The following MACROD1 variants were observed in gnomAD, a reference collection of about 807,000 sequenced individuals.
MACROD1 encodes mono-ADP ribosylhydrolase 1, also known as ADP-ribose glycohydrolase MACROD1.
A neutral mutation model predicts 41.4 loss-of-function variants in MACROD1; 31 were observed. The ratio of observed to expected loss-of-function variants is 0.75; its 90% CI spans 0.56 to 1.01. The LOEUF (loss-of-function observed/expected upper bound fraction) is 1.01. Ranked by LOEUF, MACROD1 falls within the 50% of genes least tolerant of loss-of-function variation. MACROD1 has a pLI of 0.00. For missense variants in MACROD1, 473 were observed against 460.0 expected (o/e 1.03, Z -0.26); for synonymous variants, 252 against 203.4 (o/e 1.24, Z -2.03).
intron 3 of MACROD1, among the ~76,000 whole-genome samples, chr11:64,043,385 C>G (rs773970948): frequency 1.3e-5 from 2 of 152,176 alleles, no homozygotes; most frequent in Non-Finnish European, 2.9e-5. Flanking sequence ...TGCTGAGCCC[C>G]GAGGTCTGGG....
chr11:64,141,500 G>C (rs1214279287), intron 3 of MACROD1, among the ~76,000 whole-genome samples: 1 of 152,204 alleles, frequency 6.6e-6, no homozygotes, highest in African/African-American at 2.4e-5. Context: ...CGGCCTCCTG[G>C]GGAGCCCTGA....
intron 3 of MACROD1, among the ~76,000 whole-genome samples, chr11:64,075,962 C>T (rs969806333): frequency 6.6e-6 from 1 of 152,258 alleles, no homozygotes; most frequent in Non-Finnish European, 1.5e-5. Context: ...GCGTGGGCCA[C>T]TGTGCCCGGC....
At chr11:64,050,546 G>T (rs941709973) in intron 3 of MACROD1, among the ~76,000 whole-genome samples, 2 of 152,330 alleles carry the variant, frequency 1.3e-5, no homozygotes, top group African/African-American at 4.8e-5. Flanking sequence ...GTCACCTGGT[G>T]AGGACAGCCC....
At chr11:64,054,714 A>T (rs1170762471) in intron 3 of MACROD1, among the ~76,000 whole-genome samples, 1 of 152,058 alleles carries the variant, frequency 6.6e-6, no homozygotes, top group Non-Finnish European at 1.5e-5. Context: ...TCTTGCTCCC[A>T]AATCAACAAA....
intron 3 of MACROD1, among the ~76,000 whole-genome samples, chr11:64,097,138 G>A (rs1436455596): frequency 4.6e-5 from 7 of 152,202 alleles, no homozygotes; most frequent in Non-Finnish European, 1.0e-4. Flanking sequence ...CTGTGAGGAC[G>A]GCAGCTTCAG....
In MACROD1 at chr11:64,027,322, C is replaced by T. The variant is rs1208745606; in HGVS notation, c.518-12041G>A. 3.9e-5 allele frequency among the ~76,000 whole-genome samples: 6 copies of T among 152,208 alleles called. 1 individual carries two copies. The South Asian group carries it at 1.2e-3, about 32-fold the overall frequency. On this transcript the variant is annotated intron_variant, in intron 3 of 10. Coordinates refer to ENST00000255681, the MANE Select transcript of MACROD1 (RefSeq NM_014067.4). The stretch of plus-strand genomic sequence containing the variant: ...GGTTGGTCTTGCCCTTTAGAAAGAC[C>T]CCCTTTAGAGCTGGGGAAGGGAGCA...
chr11:64,014,615 G>C (rs61884697), intron 4 of MACROD1, among the ~76,000 whole-genome samples: 5,000 of 152,284 alleles, frequency 0.033, 96 homozygotes, highest in Middle Eastern at 0.048. Flanking sequence ...CTGAGGGGCT[G>C]GTGTGGTCTG....
chr11:64,106,072 T>C (rs1455833920), intron 3 of MACROD1, among the ~76,000 whole-genome samples: 1 of 152,040 alleles, frequency 6.6e-6, no homozygotes, highest in African/African-American at 2.4e-5. Flanking sequence ...CCAGCATCCA[T>C]ATCAGTGGGG....
In MACROD1 at chr11:64,079,240, A is replaced by G. The variant is rs182765417; in HGVS notation, c.518-63959T>C. On this transcript the variant is annotated intron_variant, in intron 3 of 10. Transcript: ENST00000255681. ...CCCCACGGCCCCTTCCTGCTCTGGC[A>G]TGTGGCTTGAGGGGTCACAGGGGCT... 1.5e-4 allele frequency among the ~76,000 whole-genome samples: 23 copies of G among 152,010 alleles called. 1 individual carries two copies. The highest frequency in any genetic ancestry group is 5.5e-4 in the African/African-American group (23 of 41,446).
chr11:64,151,855 G>A (rs949708738), intron 2 of MACROD1, among the ~76,000 whole-genome samples: 1 of 152,200 alleles, frequency 6.6e-6, no homozygotes, highest in African/African-American at 2.4e-5. Flanking sequence ...ATGGCCAGGC[G>A]CAGTTGCTGA....
intron 3 of MACROD1, among the ~76,000 whole-genome samples, chr11:64,114,956 A>G (rs1380109983): frequency 6.6e-6 from 1 of 152,208 alleles, no homozygotes; most frequent in Non-Finnish European, 1.5e-5. Context: ...GAGAAGACAG[A>G]AAGTTTGGCC....
chr11:64,006,277 G>T (rs956913873), intron 4 of MACROD1, among the ~76,000 whole-genome samples: 12 of 152,316 alleles, frequency 7.9e-5, no homozygotes, highest in African/African-American at 2.6e-4. Flanking sequence ...AGACCTGAGC[G>T]ATATCCCATT....
Position 64,099,633 on chromosome 11 carries a change from T to C in MACROD1, c.517+51606A>G, listed in dbSNP as rs114113587. Among the ~76,000 whole-genome samples the C allele has an allele frequency of 7.9e-3, 1,179 of 150,114 alleles. 17 individuals carry two copies. Among genetic ancestry groups the C allele is most frequent in the African/African-American group, 0.028 (1,129 of 40,670 alleles). The stretch of plus-strand genomic sequence containing the variant: ...ATACAGAGATGGAAGGATGGATGGA[T>C]GGAGAGATAGGAGGATGGATGGAGA... On this transcript the variant is annotated intron_variant, in intron 3 of 10. Transcript: ENST00000255681.
intron 3 of MACROD1, among the ~76,000 whole-genome samples, chr11:64,029,550 C>A (rs574801465): frequency 2.2e-4 from 34 of 152,220 alleles, no homozygotes; most frequent in Non-Finnish European, 3.8e-4. Flanking sequence ...CCCGGGGGTC[C>A]AGCCCCCATT....
intron 3 of MACROD1, among the ~76,000 whole-genome samples, chr11:64,110,860 G>A (rs111871678): frequency 1.3e-5 from 2 of 152,168 alleles, no homozygotes; most frequent in African/African-American, 2.4e-5. Flanking sequence ...CAGGCAATTA[G>A]AGATTCCTCT....
chr11:64,077,732 C>T, intron 3 of MACROD1, among the ~76,000 whole-genome samples: 1 of 152,356 alleles, frequency 6.6e-6, no homozygotes, highest in South Asian at 2.1e-4. Context: ...GGGGTCACTA[C>T]CCCTCACTGC....
intron 3 of MACROD1, among the ~76,000 whole-genome samples, chr11:64,139,826 G>T (rs1235288421): frequency 6.6e-6 from 1 of 152,016 alleles, no homozygotes; most frequent in African/African-American, 2.4e-5. Context: ...CGTGGTGGCG[G>T]GCGCCTGTAA....
chr11:64,114,520 G>T (rs950929441), intron 3 of MACROD1, among the ~76,000 whole-genome samples: 1 of 148,010 alleles, frequency 6.8e-6, no homozygotes, highest in Non-Finnish European at 1.5e-5. Context: ...TGGATGGATG[G>T]ATGGACAGGT....
chr11:64,102,635 C>T (rs2134563273), intron 3 of MACROD1, among the ~76,000 whole-genome samples: 1 of 152,332 alleles, frequency 6.6e-6, no homozygotes, highest in East Asian at 1.9e-4. Flanking sequence ...CCAGTCCTTC[C>T]ACCCCCAGGG....
Sources: allele counts gnomAD v4.1 joint callset (sites outside exome capture counted in the v4.1 genomes callset), GRCh38; gene constraint gnomAD v4.1.1; transcripts MANE v1.5; gene names NCBI Gene and HGNC (gene_info 2026-07-23, HGNC 2026-07-21).